The following RANBP17 variants were observed in gnomAD, a reference collection of about 807,000 sequenced individuals.
RANBP17 encodes ran-binding protein 17.
In RANBP17, 158 loss-of-function variants were observed where a neutral mutation model predicts 141.2. The observed-to-expected ratio is 1.12, with a 90% CI of 0.98 to 1.28. RANBP17 has a LOEUF of 1.28. Ranked by LOEUF, RANBP17 falls within the 50% of genes most tolerant of loss-of-function variation. The pLI is 0.00. For synonymous variants in RANBP17, 430 were observed against 450.0 expected (o/e 0.96, Z 0.56); for missense variants, 1,438 against 1,290.7 (o/e 1.11, Z -1.75).
intron 7 of RANBP17, among the ~76,000 whole-genome samples, chr5:170,913,109 T>C (rs530875548): frequency 1.3e-5 from 2 of 151,918 alleles, no homozygotes; most frequent in South Asian, 2.1e-4. Context: ...ACCAAACTTA[T>C]CAAATCTAAG....
intron 5 of RANBP17, among the ~76,000 whole-genome samples, chr5:170,904,765 T>C (rs1036875082): frequency 6.6e-6 from 1 of 152,184 alleles, no homozygotes; most frequent in Non-Finnish European, 1.5e-5. Context: ...ATTTATACAC[T>C]GATAATCATG....
intron 14 of RANBP17, among the ~76,000 whole-genome samples, chr5:171,083,715 C>A (rs1457086952): frequency 6.6e-6 from 1 of 152,110 alleles, no homozygotes; most frequent in African/African-American, 2.4e-5. Flanking sequence ...GTGGGAGGAA[C>A]CCAGTGGGAG....
At chr5:171,253,499 T>G (rs1261317796) in intron 24 of RANBP17, among the ~76,000 whole-genome samples, 1 of 152,196 alleles carries the variant, frequency 6.6e-6, no homozygotes, top group Non-Finnish European at 1.5e-5. Context: ...AAAACTAACA[T>G]GCTAGATAAT....
chr5:171,290,068 A>G (rs1010332865), intron 25 of RANBP17, among the ~76,000 whole-genome samples: 3 of 151,540 alleles, frequency 2.0e-5, no homozygotes, highest in Non-Finnish European at 2.9e-5. Flanking sequence ...CCGCCTTGCC[A>G]TAGAGAAAGT....
intron 22 of RANBP17, among the ~76,000 whole-genome samples, chr5:171,226,674 G>A (rs1192947997): frequency 1.3e-5 from 2 of 152,114 alleles, no homozygotes; most frequent in East Asian, 1.9e-4. Context: ...CAGAAAAAGG[G>A]GGAAAGAGGA....
At chr5:171,010,296 T>G (rs1779950566) in intron 14 of RANBP17, among the ~76,000 whole-genome samples, 1 of 152,182 alleles carries the variant, frequency 6.6e-6, no homozygotes, top group Non-Finnish European at 1.5e-5. Flanking sequence ...ACGGAAAACC[T>G]GAAATGGCCA....
Position 170,878,112 on chromosome 5 carries a change from G to T in RANBP17, c.34G>T (p.Glu12Ter). The change falls in exon 2 of 28, where the codon GAA becomes TAA. Residue 12 changes from glutamate (E) to a stop codon, truncating the protein, a stop_gained. Transcript: ENST00000523189. LOFTEE classifies it high-confidence loss of function. ...ALHFQSLAEL[E>*]VLCTHLYIGT... Reference sequence around the variant, plus strand: ...TTCTTTGAAGAGTTTGGCTGAATTGGAAGTGTTATGTACTCATCTCTACAT... The same window carrying T: ...TTCTTTGAAGAGTTTGGCTGAATTGTAAGTGTTATGTACTCATCTCTACAT... 6.4e-7 allele frequency: 1 copy of T among 1,565,316 alleles called. No individual in the cohort carries two copies. Among genetic ancestry groups the T allele is most frequent in the South Asian group, 1.3e-5 (1 of 79,950 alleles).
At chr5:171,040,212 C>T (rs1782165012) in intron 14 of RANBP17, among the ~76,000 whole-genome samples, 1 of 152,076 alleles carries the variant, frequency 6.6e-6, no homozygotes, top group African/African-American at 2.4e-5. Context: ...AAGGTTGTTT[C>T]AACATAATGC....
chr5:171,216,534 A>G (rs1763231120), intron 21 of RANBP17, among the ~76,000 whole-genome samples: 1 of 152,160 alleles, frequency 6.6e-6, no homozygotes, highest in South Asian at 2.1e-4. Flanking sequence ...ATTTCTTCCT[A>G]TCCATGAACA....
chr5:171,065,470 C>T (rs966538572), intron 14 of RANBP17, among the ~76,000 whole-genome samples: 6 of 152,080 alleles, frequency 3.9e-5, no homozygotes, highest in Admixed American at 6.6e-5. Context: ...TGAGAGGAGA[C>T]GGAGCTGTCA....
chr5:171,217,991 A>G (rs1381321593), intron 21 of RANBP17, among the ~76,000 whole-genome samples: 1 of 152,102 alleles, frequency 6.6e-6, no homozygotes, highest in African/African-American at 2.4e-5. Context: ...TAGGGTGTCT[A>G]TTTTAGAGCT....
intron 18 of RANBP17, among the ~76,000 whole-genome samples, chr5:171,190,282 T>C (rs762603653): frequency 1.2e-4 from 19 of 152,304 alleles, no homozygotes; most frequent in African/African-American, 4.6e-4. Context: ...AATTAGATGC[T>C]ATGTGCCCCA....
chr5:170,953,191 A>G (rs761062720), intron 12 of RANBP17, among the ~76,000 whole-genome samples: 7 of 152,148 alleles, frequency 4.6e-5, no homozygotes, highest in Non-Finnish European at 8.8e-5. Context: ...TCCTTGGATC[A>G]TGAGAGTACA....
chr5:171,124,907 A>G (rs1368638065), intron 14 of RANBP17, among the ~76,000 whole-genome samples: 3 of 152,238 alleles, frequency 2.0e-5, no homozygotes, highest in Non-Finnish European at 4.4e-5. Context: ...CCTCCAATTA[A>G]AAGATATAGA....
At chr5:171,210,728 C>T (rs1311107697) in intron 20 of RANBP17, among the ~76,000 whole-genome samples, 10 of 152,034 alleles carry the variant, frequency 6.6e-5, no homozygotes, top group Admixed American at 3.9e-4. Flanking sequence ...TCTTCCTGGC[C>T]GGGCATGGTG....
chr5:171,032,747 A>G (rs772628085), intron 14 of RANBP17, among the ~76,000 whole-genome samples: 1 of 152,134 alleles, frequency 6.6e-6, no homozygotes, highest in Non-Finnish European at 1.5e-5. Flanking sequence ...ATACATCATT[A>G]CTGTGATTGA....
chr5:171,258,118 T>TACACAC (rs34304503), intron 24 of RANBP17, among the ~76,000 whole-genome samples: 147 of 128,292 alleles, frequency 1.1e-3, no homozygotes, highest in African/African-American at 1.4e-3. Context: ...AAAAAAAAAA[T>TACACAC]ACACACACAC....
chr5:171,222,601 A>G (rs1435978001), intron 22 of RANBP17, among the ~76,000 whole-genome samples: 1 of 152,052 alleles, frequency 6.6e-6, no homozygotes, highest in Admixed American at 6.5e-5. Flanking sequence ...GCAAACTGTT[A>G]AGTAAATTTA....
At chr5:171,130,168 A>G (rs759483953) in intron 14 of RANBP17, among the ~76,000 whole-genome samples, 3 of 152,072 alleles carry the variant, frequency 2.0e-5, no homozygotes, top group Non-Finnish European at 4.4e-5. Context: ...ATACAACTAA[A>G]TTGTACTTTG....
Sources: gnomAD v4.1 joint callset for allele counts (sites outside exome capture counted in the v4.1 genomes callset) on GRCh38, gnomAD v4.1.1 for gene constraint, MANE v1.5 for transcripts, NCBI Gene and HGNC (gene_info 2026-07-23, HGNC 2026-07-21) for gene names.